AK9: variants seen among roughly 807,000 people sequenced by gnomAD.
The protein encoded by AK9 is adenylate kinase 9, also known as adenylate kinase domain containing 1.
Under a neutral mutation model 239.6 loss-of-function variants are expected in AK9, and 191 were observed. The ratio of observed to expected loss-of-function variants is 0.80; its 90% confidence interval spans 0.71 to 0.90. The LOEUF (loss-of-function observed/expected upper bound fraction) is 0.90. Ranked by LOEUF, AK9 falls within the 40% of genes least tolerant of loss-of-function variation. AK9 has a pLI of 0.00. For synonymous variants in AK9, 689 were observed against 721.0 expected, an observed-to-expected ratio of 0.96 and a Z score of 0.71; for missense variants, 1,995 against 2,214.7, an observed-to-expected ratio of 0.90 and a Z score of 1.99.
chr6:109,679,448 C>G (rs1470264838), intron 1 of AK9, among the ~76,000 whole-genome samples: 1 of 152,146 alleles, frequency 6.6e-6, no homozygotes, highest in Non-Finnish European at 1.5e-5. Flanking sequence ...AAGGCAGCAG[C>G]CCCAGTCAGG....
chr6:109,677,424 T>C (rs1056916088), intron 1 of AK9, among the ~76,000 whole-genome samples: 1 of 152,258 alleles, frequency 6.6e-6, no homozygotes, highest in South Asian at 2.1e-4. Flanking sequence ...ATTTTGCTGA[T>C]GAACACTAAA....
intron 21 of AK9, among the ~76,000 whole-genome samples, chr6:109,565,488 T>C (rs533565459): frequency 9.8e-6 from 1 of 101,802 alleles, no homozygotes; most frequent in Non-Finnish European, 2.4e-5. Flanking sequence ...AAAAAAAATT[T>C]TTTTTCAAGA....
chr6:109,679,165 G>A (rs997828704), intron 1 of AK9, among the ~76,000 whole-genome samples: 3 of 152,156 alleles, frequency 2.0e-5, no homozygotes, highest in Non-Finnish European at 4.4e-5. Context: ...CTAGCTCAGC[G>A]GATCCCACCC....
chr6:109,571,042 A>G (rs975383527), intron 21 of AK9, among the ~76,000 whole-genome samples: 1 of 152,236 alleles, frequency 6.6e-6, no homozygotes, highest in Admixed American at 6.5e-5. Context: ...CAATGATTTA[A>G]TAGCCTCTAA....
At chr6:109,503,905 G>C (rs1403112486) in intron 35 of AK9, among the ~76,000 whole-genome samples, 3 of 152,124 alleles carry the variant, frequency 2.0e-5, no homozygotes, top group African/African-American at 7.2e-5. Context: ...CCCCACTTTG[G>C]GGACATTTTG....
chr6:109,633,837 C>A (rs1243938688), intron 10 of AK9, among the ~76,000 whole-genome samples: 1 of 152,152 alleles, frequency 6.6e-6, no homozygotes, highest in Non-Finnish European at 1.5e-5. Flanking sequence ...CATCAGCAAT[C>A]CTTTCTGTTG....
At chr6:109,498,898 G>T in intron 36 of AK9, 146 bp downstream of exon 36, 1 of 596,086 alleles carries the variant, frequency 1.7e-6, no homozygotes, top group Non-Finnish European at 2.7e-6. Context: ...TCACTGCTGA[G>T]TTGCTTCACT....
intron 10 of AK9, among the ~76,000 whole-genome samples, chr6:109,635,492 C>T (rs1796607427): frequency 6.6e-6 from 1 of 152,210 alleles, no homozygotes; most frequent in African/African-American, 2.4e-5. Flanking sequence ...TCCCCTCCCA[C>T]CACTTCTCTC....
At chr6:109,581,903 G>A (rs1234809087) in intron 19 of AK9, among the ~76,000 whole-genome samples, 1 of 152,140 alleles carries the variant, frequency 6.6e-6, no homozygotes, top group East Asian at 1.9e-4. Context: ...CTTATTAAGG[G>A]CTTGTGCAGC....
In AK9 at chr6:109,550,312, G is replaced by A. The variant is rs772273036; in HGVS notation, c.2752-10C>T. 11 of 1,594,958 alleles carry A rather than the reference G, an allele frequency of 6.9e-6. No homozygotes were observed. The highest frequency in any genetic ancestry group is 1.8e-5 in the Admixed American group (1 of 57,088). ...TCATTTTATCTTCACCCTAGAAACG[G>A]TATTCAAAGTTTGGAGAACATTAAA... On this transcript the variant is annotated splice_polypyrimidine_tract_variant and intron_variant, in intron 24 of 40. Transcript: ENST00000424296.
chr6:109,501,712 G>A (rs952128941), intron 35 of AK9, among the ~76,000 whole-genome samples: 6 of 152,208 alleles, frequency 3.9e-5, no homozygotes, highest in Non-Finnish European at 5.9e-5. Flanking sequence ...ACTCATCAGA[G>A]TCAGCAGAGG....
Position 109,495,368 on chromosome 6 carries a change from A to T in AK9, c.5388T>A (p.Thr1796=). The part of the protein sequence containing the change: ...LPPLREPILL[T]SLPLPGYLEQ... ...CCAGATATCCAGGCAAAGGAAGACT[A>T]GTAAGAAGTATCGGTTCCCTTAATG... is the stretch of plus-strand genomic sequence containing the variant. The change falls in exon 39 of 41, where the codon ACT becomes ACA. Residue 1796 remains threonine, a synonymous_variant. Transcript: ENST00000424296. 6.2e-7 allele frequency: 1 copy of T among 1,613,890 alleles called. No individual in the cohort carries two copies. Among genetic ancestry groups the T allele is most frequent in the Non-Finnish European group, 8.5e-7 (1 of 1,179,880 alleles).
At chr6:109,688,121 C>A (rs915109498) in intron 1 of AK9, among the ~76,000 whole-genome samples, 5 of 152,192 alleles carry the variant, frequency 3.3e-5, no homozygotes, top group African/African-American at 1.2e-4. Flanking sequence ...GAATGTTCTA[C>A]CTGTTCATGG....
chr6:109,516,946 T>C (rs1367685335), intron 29 of AK9, among the ~76,000 whole-genome samples: 2 of 152,212 alleles, frequency 1.3e-5, no homozygotes, highest in African/African-American at 2.4e-5. Context: ...TTTTTTCTCC[T>C]TGAGGATGTG....
At chr6:109,593,500 C>G (rs572918285) in intron 17 of AK9, among the ~76,000 whole-genome samples, 3 of 152,238 alleles carry the variant, frequency 2.0e-5, no homozygotes, top group African/African-American at 7.2e-5. Context: ...GGGACTCCTT[C>G]CTAACTCATT....
intron 5 of AK9, 70 bp downstream of exon 5, chr6:109,671,849 T>C: frequency 7.1e-7 from 1 of 1,404,388 alleles, no homozygotes; most frequent in African/African-American, 1.4e-5. Context: ...CCAGAAACTA[T>C]TTTTGCCTCA....
At chr6:109,536,292 G>A (rs1781983608) in intron 27 of AK9, among the ~76,000 whole-genome samples, 1 of 152,124 alleles carries the variant, frequency 6.6e-6, no homozygotes, top group African/African-American at 2.4e-5. Flanking sequence ...TTGAGCAGTG[G>A]TTTGTAGTTC....
intron 13 of AK9, among the ~76,000 whole-genome samples, chr6:109,616,198 G>A (rs6932774): frequency 0.71 from 108,381 of 152,086 alleles, 39,102 homozygotes; most frequent in East Asian, 0.99. Flanking sequence ...TTCAAATTAT[G>A]TGATTAGCTC....
At chr6:109,527,350 C>T (rs1258110254) in intron 29 of AK9, among the ~76,000 whole-genome samples, 4 of 152,166 alleles carry the variant, frequency 2.6e-5, no homozygotes, top group Non-Finnish European at 5.9e-5. Flanking sequence ...CTTTCTCCGC[C>T]AGGGATTCCC....
Sources: allele counts gnomAD v4.1 joint callset (sites outside exome capture counted in the v4.1 genomes callset), GRCh38; gene constraint gnomAD v4.1.1; transcripts MANE v1.5; gene names NCBI Gene and HGNC (gene_info 2026-07-23, HGNC 2026-07-21).